Variants in PWP1 observed in about 807,000 individuals in gnomAD.
The protein encoded by PWP1 is periodic tryptophan protein 1 homolog.
In PWP1, 47 loss-of-function variants were observed where a neutral mutation model predicts 69.9. That is an observed-to-expected ratio of 0.67 (90% confidence interval 0.53 to 0.86). The LOEUF (loss-of-function observed/expected upper bound fraction) is 0.86, where lower values mean the gene tolerates loss of function less well. Ranked by LOEUF, PWP1 falls within the 40% of genes least tolerant of loss-of-function variation. The probability of loss-of-function intolerance (pLI) is 0.00; values close to 1 mark genes in which losing one functional copy is unlikely to be tolerated. For missense variants in PWP1, 551 were observed against 608.8 expected, an observed-to-expected ratio of 0.91 and a Z score of 1.00; for synonymous variants, 222 against 208.2, an observed-to-expected ratio of 1.07 and a Z score of -0.57.
At chr12:107,694,131 T>C (rs1395478861) in intron 5 of PWP1, among the ~76,000 whole-genome samples, 2 of 152,234 alleles carry the variant, frequency 1.3e-5, no homozygotes, top group Non-Finnish European at 2.9e-5. Flanking sequence ...TTTGGTGTTT[T>C]TAATGTAAAA....
In PWP1 at chr12:107,696,500, T is replaced by C. The variant is rs1458088967; in HGVS notation, c.529T>C (p.Tyr177His). ...HVYNQEEDSF[Y>H]VHHDILLSAY... is the part of the protein sequence containing the mutation. ...TTATAATCAAGAAGAAGACTCTTTT[T>C]ATGTACACCATGATATACTCTTGTC... The change falls in exon 6 of 15, where the codon TAT becomes CAT. Residue 177 changes from tyrosine to histidine, a missense_variant. By Grantham distance (83) the Tyr-to-His change is moderately conservative. Coordinates refer to ENST00000412830, the MANE Select transcript of PWP1 (RefSeq NM_007062.3). 1 of 1,613,972 alleles carries C rather than the reference T, an allele frequency of 6.2e-7. No homozygotes were observed. Among genetic ancestry groups the C allele is most frequent in the Non-Finnish European group, 8.5e-7 (1 of 1,180,004 alleles).
intron 3 of PWP1, among the ~76,000 whole-genome samples, chr12:107,690,234 G>C (rs1054476670): frequency 6.6e-6 from 1 of 152,120 alleles, no homozygotes; most frequent in African/African-American, 2.4e-5. Context: ...AGACATAGCA[G>C]AGCTGAGCGT....
intron 3 of PWP1, 103 bp downstream of exon 3, chr12:107,688,905 A>T: frequency 8.3e-7 from 1 of 1,202,888 alleles, no homozygotes; most frequent in Middle Eastern, 2.3e-4. Context: ...TGTTCTTGAC[A>T]TCAGTAAGAT....
chr12:107,708,796 C>T, intron 11 of PWP1, 130 bp from the exon 12 acceptor site: 1 of 823,722 alleles, frequency 1.2e-6, no homozygotes, highest in Non-Finnish European at 1.9e-6. Flanking sequence ...TAAATGATTT[C>T]TGTCCATGTT....
chr12:107,694,491 G>A (rs534231560), intron 5 of PWP1, among the ~76,000 whole-genome samples: 4 of 152,278 alleles, frequency 2.6e-5, no homozygotes, highest in South Asian at 2.1e-4. Flanking sequence ...AAGGCTGTCC[G>A]TGGGAAGCCT....
chr12:107,699,174 G>T (rs1049059468), intron 7 of PWP1, among the ~76,000 whole-genome samples, 199 bp from the exon 8 acceptor site: 7 of 152,096 alleles, frequency 4.6e-5, no homozygotes, highest in Non-Finnish European at 8.8e-5. Flanking sequence ...CAGGAGAATC[G>T]CTTGAATCCA....
chr12:107,707,925 AG>A (rs1274043284), intron 11 of PWP1, among the ~76,000 whole-genome samples: 1 of 152,078 alleles, frequency 6.6e-6, no homozygotes, highest in African/African-American at 2.4e-5. Context: ...AAAATGAGTT[AG>A]GGGGGAAAGA....
chr12:107,692,696 A>T, intron 3 of PWP1, 118 bp from the exon 4 acceptor site: 1 of 851,534 alleles, frequency 1.2e-6, no homozygotes, highest in East Asian at 2.7e-5. Context: ...ACTCTAGATG[A>T]TCCAGAGTTA....
intron 5 of PWP1, among the ~76,000 whole-genome samples, chr12:107,693,863 G>T (rs1365201963): frequency 2.0e-5 from 3 of 151,960 alleles, no homozygotes; most frequent in Non-Finnish European, 4.4e-5. Flanking sequence ...TTTTTCTCAT[G>T]TTTTTTAAAT....
rs372202257 is a variant in PWP1 at position 107,699,454 on chromosome 12, G to A, written c.806+20G>A. 1 of 1,594,264 alleles carries A rather than the reference G, an allele frequency of 6.3e-7. No individual in the cohort carries two copies. The highest frequency in any genetic ancestry group is 1.3e-5 in the African/African-American group (1 of 74,498). On this transcript the variant is annotated intron_variant, in intron 8 of 14. Transcript: ENST00000412830. ...AATCAGGTAAAAAGAAATAACATTT[G>A]AATGATTGTAAAAGACTGTAGCCAT...
At chr12:107,703,626 G>C in intron 9 of PWP1, 59 bp from the exon 10 acceptor site, 1 of 1,374,104 alleles carries the variant, frequency 7.3e-7, no homozygotes, top group Admixed American at 1.7e-5. Flanking sequence ...CCACATGTTA[G>C]GTAATTTTAC....
intron 11 of PWP1, among the ~76,000 whole-genome samples, chr12:107,707,386 A>C (rs1206257438): frequency 1.3e-5 from 2 of 152,122 alleles, no homozygotes; most frequent in Non-Finnish European, 2.9e-5. Context: ...AATACCCTTT[A>C]TTTCTTTCTC....
chr12:107,696,211 T>G (rs1253173123), intron 5 of PWP1, among the ~76,000 whole-genome samples: 2 of 151,976 alleles, frequency 1.3e-5, no homozygotes, highest in Non-Finnish European at 2.9e-5. Context: ...TTTTGTATTT[T>G]GAGTAGAGAC....
In PWP1 at chr12:107,709,067, A is replaced by G. The variant is rs777938211; in HGVS notation, c.1169-44A>G. ...TTTTTCTTAACTTATGATGAAGTAAATCTGTATTTCAAAGCGAAAGTGTCT... is the reference window on the plus strand; with the variant it reads ...TTTTTCTTAACTTATGATGAAGTAAGTCTGTATTTCAAAGCGAAAGTGTCT... On this transcript the variant is annotated intron_variant, in intron 12 of 14. Coordinates refer to ENST00000412830, the MANE Select transcript of PWP1 (RefSeq NM_007062.3). The G allele has an allele frequency of 1.9e-6, 3 of 1,613,670 alleles. No individual in the cohort carries two copies. In the Admixed American group the frequency reaches 5.0e-5, roughly 27 times the overall value.
intron 5 of PWP1, among the ~76,000 whole-genome samples, chr12:107,693,699 T>C (rs1238568899): frequency 6.6e-6 from 1 of 152,174 alleles, no homozygotes; most frequent in African/African-American, 2.4e-5. Flanking sequence ...TTTGCTCCAC[T>C]GTACTCCAGC....
intron 5 of PWP1, among the ~76,000 whole-genome samples, chr12:107,696,149 C>T (rs1341526213): frequency 6.6e-6 from 1 of 151,304 alleles, no homozygotes; most frequent in Non-Finnish European, 1.5e-5. Flanking sequence ...TCTCCTGCCT[C>T]AGCCTCCCTA....
intron 5 of PWP1, among the ~76,000 whole-genome samples, chr12:107,694,857 G>A (rs1037367353): frequency 2.0e-5 from 3 of 152,014 alleles, no homozygotes; most frequent in Non-Finnish European, 4.4e-5. Flanking sequence ...GGTTTGGAAG[G>A]AATCTCCAAA....
intron 5 of PWP1, among the ~76,000 whole-genome samples, chr12:107,695,134 C>T (rs1020116011): frequency 2.0e-5 from 3 of 149,072 alleles, no homozygotes; most frequent in African/African-American, 7.4e-5. Context: ...GGCGTGGTGG[C>T]GGGCGCCTGT....
rs535628063 is a variant in PWP1 at position 107,693,692 on chromosome 12, G to C, written c.502+596G>C. ...GCTACAGTGAGCTGTGATTCTGTTT[G>C]CTCCACTGTACTCCAGCCTGGGTGA... On this transcript the variant is annotated intron_variant, in intron 5 of 14. Transcript: ENST00000412830. 3.9e-5 allele frequency among the ~76,000 whole-genome samples: 6 copies of C among 152,234 alleles called. No homozygotes were observed. The South Asian group carries it at 1.2e-3, about 32-fold the overall frequency.
Sources: gnomAD v4.1 joint callset for allele counts (sites outside exome capture counted in the v4.1 genomes callset) on GRCh38, gnomAD v4.1.1 for gene constraint, MANE v1.5 for transcripts, NCBI Gene and HGNC (gene_info 2026-07-23, HGNC 2026-07-21) for gene names.